Variants in LAMA2 observed in about 807,000 individuals in gnomAD.
LAMA2 encodes the protein laminin subunit alpha-2.
LAMA2 carries 269 observed loss-of-function variants against 364.8 expected under a neutral mutation model. That is an observed-to-expected ratio of 0.74 (90% CI 0.67 to 0.82). The LOEUF (loss-of-function observed/expected upper bound fraction) is 0.82, where lower values mean the gene tolerates loss of function less well. LAMA2 is among the 40% of genes least tolerant of loss of function. The pLI is 0.00. For missense variants in LAMA2, 3,807 were observed against 3,873.2 expected (o/e 0.98, Z 0.45); for synonymous variants, 1,379 against 1,370.6 (o/e 1.01, Z -0.14).
At chr6:129,377,224 C>T (rs941439535) in intron 34 of LAMA2, among the ~76,000 whole-genome samples, 20 of 151,674 alleles carry the variant, frequency 1.3e-4, no homozygotes, top group African/African-American at 4.4e-4. Context: ...TATTTTATTG[C>T]CTATTGAATA....
Position 129,505,262 on chromosome 6 carries a change from C to T in LAMA2, c.8610C>T (p.Thr2870=), listed in dbSNP as rs199709403. The change falls in exon 61 of 65, where the codon ACC becomes ACT. Residue 2870 remains threonine, a synonymous_variant. Coordinates refer to ENST00000421865, the MANE Select transcript of LAMA2 (RefSeq NM_000426.4). ...ILYVDGASNR[T]ISPKKADILD... ...ATGTAGATGGGGCTTCCAACAGAAC[C>T]ATCAGTCCCAAAAAAGCCGACATCC... 37 of 1,613,638 alleles carry T rather than the reference C, an allele frequency of 2.3e-5. No individual in the cohort carries two copies. The Admixed American group carries it at 3.2e-4, about 14-fold the overall frequency.
chr6:129,460,226 A>G lies in LAMA2; in HGVS notation c.6894A>G (p.Thr2298=), dbSNP rs770846991. ...AGGCTGATGCTGTACGTGTGATTAC[A>G]TTCACTGGCTGCATGGGAGAAACAT... ...LKKADAVRVI[T]FTGCMGETYF... The change falls in exon 49 of 65, where the codon ACA becomes ACG. Residue 2298 remains threonine, a synonymous_variant. Transcript: ENST00000421865. 3.7e-6 allele frequency: 6 copies of G among 1,612,108 alleles called. No homozygotes were observed. Among genetic ancestry groups the G allele is most frequent in the Non-Finnish European group, 5.1e-6 (6 of 1,178,534 alleles).
chr6:128,921,906 G>A (rs2114489591), intron 1 of LAMA2, among the ~76,000 whole-genome samples: 1 of 128,766 alleles, frequency 7.8e-6, no homozygotes, highest in African/African-American at 3.1e-5. Context: ...CCCTTCCTGT[G>A]TCCATGTGTT....
intron 15 of LAMA2, among the ~76,000 whole-genome samples, chr6:129,264,863 A>C (rs777697513): frequency 6.6e-6 from 1 of 152,196 alleles, no homozygotes; most frequent in Non-Finnish European, 1.5e-5. Context: ...GTGGTGACAC[A>C]AAACAGATTA....
intron 1 of LAMA2, among the ~76,000 whole-genome samples, chr6:128,966,033 G>A (rs1781821700): frequency 1.5e-5 from 2 of 133,036 alleles, no homozygotes; most frequent in African/African-American, 3.0e-5. Flanking sequence ...CACTTTTTAG[G>A]ATATCACTAA....
chr6:129,287,803 C>G (rs775697238), intron 18 of LAMA2, 44 bp from the exon 19 acceptor site: 7 of 1,472,186 alleles, frequency 4.8e-6, no homozygotes, highest in South Asian at 4.5e-5. Flanking sequence ...ATTGCCCCAA[C>G]TGAGGTCCCC....
intron 4 of LAMA2, among the ~76,000 whole-genome samples, chr6:129,119,113 C>T (rs1185205559): frequency 2.0e-5 from 3 of 152,152 alleles, no homozygotes; most frequent in African/African-American, 7.2e-5. Context: ...ATATATCCTC[C>T]TAGATTTCAT....
intron 1 of LAMA2, among the ~76,000 whole-genome samples, chr6:129,041,967 AC>A (rs1787128508): frequency 6.7e-6 from 1 of 148,968 alleles, no homozygotes; most frequent in African/African-American, 2.5e-5. Context: ...ATGCTATTGC[AC>A]TCCAACCTGG....
rs1785367032 is a variant in LAMA2 at position 129,498,466 on chromosome 6, C to T, written c.8245-4193C>T. Among the ~76,000 whole-genome samples the T allele has an allele frequency of 3.3e-5, 5 of 152,194 alleles. No individual in the cohort carries two copies. In the South Asian group the frequency reaches 1.0e-3, roughly 32 times the overall value. Reference sequence around the variant, plus strand: ...TTTAGACATTAATGTATAAATATTACTGTAAATGCCCAAGACCCACCAAAA... The same window carrying T: ...TTTAGACATTAATGTATAAATATTATTGTAAATGCCCAAGACCCACCAAAA... On this transcript the variant is annotated intron_variant, in intron 58 of 64. Transcript: ENST00000421865.
At chr6:129,409,723 A>G (rs1780430551) in intron 40 of LAMA2, among the ~76,000 whole-genome samples, 13 of 152,192 alleles carry the variant, frequency 8.5e-5, no homozygotes, top group Admixed American at 8.5e-4. Context: ...GGCTTCAAAC[A>G]GGATCCCTGT....
intron 4 of LAMA2, among the ~76,000 whole-genome samples, chr6:129,108,921 T>C (rs1775984029): frequency 6.6e-6 from 1 of 152,132 alleles, no homozygotes; most frequent in African/African-American, 2.4e-5. Flanking sequence ...CTGATTTGGT[T>C]TTAATAAGGA....
At chr6:129,211,260 C>T (rs1783081323) in intron 12 of LAMA2, among the ~76,000 whole-genome samples, 1 of 152,108 alleles carries the variant, frequency 6.6e-6, no homozygotes, top group African/African-American at 2.4e-5. Flanking sequence ...TACACAAACC[C>T]AGCCACAGAA....
At chr6:128,961,063 A>T (rs796234964) in intron 1 of LAMA2, among the ~76,000 whole-genome samples, 13 of 151,844 alleles carry the variant, frequency 8.6e-5, no homozygotes, top group African/African-American at 3.1e-4. Context: ...GAAGACTCCC[A>T]AATATCCTCT....
Position 129,175,731 on chromosome 6 carries a change from A to G in LAMA2, c.1307-1975A>G, listed in dbSNP as rs1016133536. On this transcript the variant is annotated intron_variant, in intron 9 of 64. Coordinates refer to ENST00000421865, the MANE Select transcript of LAMA2 (RefSeq NM_000426.4). ...GGGGAGGAACAGCATTAGGAGAAAT[A>G]CCTAATGTAGATGACAGGTCGATGG... Among the ~76,000 whole-genome samples the G allele has an allele frequency of 4.6e-5, 7 of 152,262 alleles. No individual in the cohort carries two copies. In the East Asian group the frequency reaches 1.4e-3, roughly 29 times the overall value.
chr6:129,300,965 A>G, intron 22 of LAMA2, 93 bp downstream of exon 22: 1 of 1,042,314 alleles, frequency 9.6e-7, no homozygotes, highest in South Asian at 1.3e-5. Flanking sequence ...TCAATATTAC[A>G]TCACAAAATA....
intron 1 of LAMA2, among the ~76,000 whole-genome samples, chr6:128,920,454 C>T (rs1360570238): frequency 6.6e-6 from 1 of 152,070 alleles, no homozygotes; most frequent in African/African-American, 2.4e-5. Flanking sequence ...CCGTGCCGGT[C>T]CCTCATGCTC....
At chr6:129,301,586 T>G (rs1294372241) in intron 22 of LAMA2, among the ~76,000 whole-genome samples, 1 of 152,160 alleles carries the variant, frequency 6.6e-6, no homozygotes, top group East Asian at 1.9e-4. Context: ...TCCTAGGTTT[T>G]GCTTTGCAAT....
chr6:129,117,399 G>T (rs74454547), intron 4 of LAMA2, among the ~76,000 whole-genome samples: 4,341 of 152,220 alleles, frequency 0.029, 228 homozygotes, highest in African/African-American at 0.099. Flanking sequence ...GTGCTTTTGG[G>T]ATAGTCTAAC....
intron 12 of LAMA2, among the ~76,000 whole-genome samples, chr6:129,200,773 T>C (rs1236563734): frequency 2.0e-5 from 3 of 152,056 alleles, no homozygotes; most frequent in African/African-American, 7.2e-5. Flanking sequence ...ATCACATACA[T>C]AGATGAATAC....
Sources: allele counts gnomAD v4.1 joint callset (sites outside exome capture counted in the v4.1 genomes callset), GRCh38; gene constraint gnomAD v4.1.1; transcripts MANE v1.5; gene names NCBI Gene and HGNC (gene_info 2026-07-23, HGNC 2026-07-21).